The following TANC1 variants were observed in gnomAD, a reference collection of about 807,000 sequenced individuals.
TANC1 encodes protein TANC1.
In TANC1, 77 loss-of-function variants were observed where a neutral mutation model predicts 149.7. The observed-to-expected ratio is 0.51, with a 90% CI of 0.43 to 0.62. The LOEUF (loss-of-function observed/expected upper bound fraction) is 0.62, where lower values mean the gene tolerates loss of function less well. Ranked by LOEUF, TANC1 falls within the 20% of genes least tolerant of loss-of-function variation. The pLI, the probability that TANC1 is intolerant of heterozygous loss-of-function variation, is 0.00. For missense variants in TANC1, 1,985 were observed against 2,321.8 expected, an observed-to-expected ratio of 0.85 and a Z score of 2.98; for synonymous variants, 854 against 925.0, an observed-to-expected ratio of 0.92 and a Z score of 1.39.
At chr2:159,050,817 G>A (rs2041410474) in intron 2 of TANC1, among the ~76,000 whole-genome samples, 1 of 152,140 alleles carries the variant, frequency 6.6e-6, no homozygotes, top group South Asian at 2.1e-4. Flanking sequence ...TATGATATGA[G>A]GATTATAAAA....
intron 13 of TANC1, 59 bp downstream of exon 13, chr2:159,176,577 T>C: frequency 7.6e-7 from 1 of 1,316,250 alleles, no homozygotes; most frequent in South Asian, 1.3e-5. Context: ...CAGTGATAAA[T>C]GTTAATAACG....
chr2:159,008,934 A>G (rs1464919826), intron 2 of TANC1, among the ~76,000 whole-genome samples: 1 of 152,126 alleles, frequency 6.6e-6, no homozygotes, highest in East Asian at 1.9e-4. Flanking sequence ...GGTAATAAAT[A>G]TGAATTTAAA....
At chr2:159,221,661 A>C (rs1230621479) in intron 22 of TANC1, among the ~76,000 whole-genome samples, 1 of 152,234 alleles carries the variant, frequency 6.6e-6, no homozygotes, top group Non-Finnish European at 1.5e-5. Context: ...GGCTAATGAC[A>C]GGATTTCCTT....
intron 18 of TANC1, 123 bp downstream of exon 18, chr2:159,196,916 C>T: frequency 1.2e-6 from 1 of 864,272 alleles, no homozygotes; most frequent in Non-Finnish European, 1.8e-6. Flanking sequence ...TGACCACCTG[C>T]AGTAGAAGGT....
At chr2:159,144,856 A>T (rs941131379) in intron 5 of TANC1, among the ~76,000 whole-genome samples, 1 of 152,192 alleles carries the variant, frequency 6.6e-6, no homozygotes, top group African/African-American at 2.4e-5. Context: ...GAGGCAGAGG[A>T]TTAATGTCAA....
chr2:159,211,903 T>C (rs1459147913), intron 19 of TANC1, among the ~76,000 whole-genome samples: 25 of 152,192 alleles, frequency 1.6e-4, no homozygotes, highest in Admixed American at 1.6e-3. Context: ...TAGCAAGGGT[T>C]GTGAAGGAAA....
At chr2:159,037,504 C>CT (rs1182797088) in intron 2 of TANC1, among the ~76,000 whole-genome samples, 1 of 152,170 alleles carries the variant, frequency 6.6e-6, no homozygotes, top group Non-Finnish European at 1.5e-5. Flanking sequence ...ACATTTAAGT[C>CT]TTTAATCCAT....
At chr2:159,122,614 C>T (rs2150103224) in intron 4 of TANC1, among the ~76,000 whole-genome samples, 1 of 152,288 alleles carries the variant, frequency 6.6e-6, no homozygotes, top group Middle Eastern at 3.4e-3. Context: ...CTCCTGACAA[C>T]CCCTGAACTG....
intron 22 of TANC1, among the ~76,000 whole-genome samples, chr2:159,223,930 C>G (rs981032243): frequency 6.6e-6 from 1 of 152,220 alleles, no homozygotes; most frequent in African/African-American, 2.4e-5. Context: ...TGTCCCGTCT[C>G]TGTGGCCTGG....
rs144805052 is a variant in TANC1, at chr2:159,098,829, G to A, written c.259+995G>A. 8.0e-5 allele frequency among the ~76,000 whole-genome samples: 12 copies of A among 149,580 alleles called. No individual in the cohort carries two copies. The East Asian group carries it at 2.3e-3, about 28-fold the overall frequency. On this transcript the variant is annotated intron_variant, in intron 4 of 26. Transcript: ENST00000263635. ...ATACCTTGAGTTTTAAAAATTCTTG[G>A]ATTTTTTTTTTTTAAGGTTTGTGGA...
chr2:159,221,520 CCT>C (rs1487580662), intron 22 of TANC1, among the ~76,000 whole-genome samples: 1 of 152,216 alleles, frequency 6.6e-6, no homozygotes, highest in Non-Finnish European at 1.5e-5. Context: ...TGTCTCCCAG[CCT>C]CTTTCTGTTC....
chr2:159,119,085 C>A lies in TANC1; in HGVS notation c.260-17109C>A, dbSNP rs971247595. Reference sequence around the variant, plus strand: ...GGCGTAAAAGTAGAATAGGTTATAACCCCAAGCCTCTGTCATATTTTTCTT... The same window carrying A: ...GGCGTAAAAGTAGAATAGGTTATAAACCCAAGCCTCTGTCATATTTTTCTT... On this transcript the variant is annotated intron_variant, in intron 4 of 26. Transcript: ENST00000263635. Among the ~76,000 whole-genome samples, 3 of 152,170 alleles carry A rather than the reference C, an allele frequency of 2.0e-5. 1 individual carries two copies. Among genetic ancestry groups the A allele is most frequent in the Admixed American group, 2.0e-4 (3 of 15,280 alleles).
Position 159,005,598 on chromosome 2 carries a change from A to G in TANC1, c.-16+4409A>G, listed in dbSNP as rs116472488. On this transcript the variant is annotated intron_variant, in intron 2 of 26. Transcript: ENST00000263635. The stretch of plus-strand genomic sequence containing the variant: ...GTAAGACCTTGTCTCAAAAAAAAGT[A>G]AAATTTCTGTATCTATTAATGCTAG... Among the ~76,000 whole-genome samples the G allele has an allele frequency of 6.8e-3, 1,029 of 152,220 alleles. 6 individuals are homozygous for G. The highest frequency in any genetic ancestry group is 0.023 in the African/African-American group (961 of 41,550).
intron 4 of TANC1, among the ~76,000 whole-genome samples, chr2:159,099,842 C>T (rs1248530661): frequency 2.0e-5 from 3 of 152,092 alleles, no homozygotes; most frequent in Non-Finnish European, 4.4e-5. Flanking sequence ...CTTCCCCATG[C>T]GGTATTTGGA....
At position 159,021,571 on chromosome 2, in the gene TANC1, G is replaced by A. The variant is rs1339385538; in HGVS notation, c.-16+20382G>A. ...TGAGTTAGGATCATGTCTGTGAATA[G>A]CCATTGCACTCCAGCCTGGGCAATG... On this transcript the variant is annotated intron_variant, in intron 2 of 26. Coordinates refer to ENST00000263635, the MANE Select transcript of TANC1 (RefSeq NM_033394.3). Among the ~76,000 whole-genome samples, 5 of 151,856 alleles carry A rather than the reference G, an allele frequency of 3.3e-5. No individual in the cohort carries two copies. In the South Asian group the frequency reaches 1.0e-3, roughly 32 times the overall value.
intron 5 of TANC1, chr2:159,148,361 A>G (rs1207879338): frequency 6.6e-6 from 1 of 152,234 alleles, no homozygotes; most frequent in African/African-American, 2.4e-5. Context: ...CAACATTTAA[A>G]TCAAATCCAA....
In TANC1 at chr2:159,170,681, C is replaced by A; in HGVS notation, c.1227C>A (p.Gly409=). The A allele has an allele frequency of 1.2e-6, 2 of 1,614,046 alleles. No individual in the cohort carries two copies. Among genetic ancestry groups the A allele is most frequent in the Non-Finnish European group, 1.7e-6 (2 of 1,180,008 alleles). ...ACACAGAACTGGCAGAAAACAGAGG[C>A]GCGGTGGTGGTTGGCAATGTGGGAT... ...LRNTELAENR[G]AVVVGNVGFG... The change falls in exon 10 of 27, where the codon GGC becomes GGA. Residue 409 remains glycine (G), a synonymous_variant. Transcript: ENST00000263635.
At chr2:159,196,972 C>T (rs1233720417) in intron 18 of TANC1, among the ~76,000 whole-genome samples, 179 bp downstream of exon 18, 1 of 152,206 alleles carries the variant, frequency 6.6e-6, no homozygotes, top group Non-Finnish European at 1.5e-5. Flanking sequence ...GTGCACACTC[C>T]TATGCACACG....
In TANC1 at chr2:159,230,146, CCTG is replaced by C; in HGVS notation, c.4724_4726del (p.Ala1575del). 6.2e-7 allele frequency: 1 copy of C among 1,613,992 alleles called. No homozygotes were observed. The highest frequency in any genetic ancestry group is 8.5e-7 in the Non-Finnish European group (1 of 1,179,960). ...CATGCCAGGGAGAATCGCTGCCACT[CCTG>C]CTGGGAGCAGAACCCAGCATTTAGA... is the stretch of plus-strand genomic sequence containing the variant. On this transcript the variant is annotated inframe_deletion, in exon 27 of 27. Transcript: ENST00000263635. This position sits in a 1 kb window ranked among gnomAD's most constrained non-coding sequence, Gnocchi z 4.4.
Sources: gnomAD v4.1 joint callset for allele counts (sites outside exome capture counted in the v4.1 genomes callset) on GRCh38, gnomAD v4.1.1 for gene constraint, Gnocchi (gnomAD v3.1) non-coding constraint, MANE v1.5 for transcripts, NCBI Gene and HGNC (gene_info 2026-07-23, HGNC 2026-07-21) for gene names.